The following NTM variants were observed in gnomAD, a reference collection of about 807,000 sequenced individuals.
NTM encodes neurotrimin, also known as IgLON family member 2.
In NTM, 13 loss-of-function variants were observed where a neutral mutation model predicts 42.1. The observed-to-expected ratio is 0.31, with a 90% CI of 0.20 to 0.49. The LOEUF (loss-of-function observed/expected upper bound fraction) is 0.49. Among genes scored for constraint, NTM ranks in the 20% least tolerant of loss-of-function variants. The pLI, the probability that NTM is intolerant of heterozygous loss-of-function variation, is 0.99. For synonymous variants in NTM, 187 were observed against 179.2 expected (o/e 1.04, Z -0.35); for missense variants, 373 against 452.8 (o/e 0.82, Z 1.60).
At chr11:132,252,430 C>T (rs1353702861) in intron 4 of NTM, among the ~76,000 whole-genome samples, 4 of 152,056 alleles carry the variant, frequency 2.6e-5, no homozygotes, top group Non-Finnish European at 5.9e-5. Flanking sequence ...TTCTTGAGAG[C>T]AGAGAGTCCC....
At chr11:131,821,847 A>G (rs1035974347) in intron 1 of NTM, among the ~76,000 whole-genome samples, 4 of 152,186 alleles carry the variant, frequency 2.6e-5, no homozygotes, top group Admixed American at 6.5e-5. Flanking sequence ...AAGGAAGCTG[A>G]TTTCACAGAA....
intron 4 of NTM, among the ~76,000 whole-genome samples, chr11:132,248,827 C>T (rs1460850755): frequency 2.0e-5 from 3 of 152,242 alleles, no homozygotes; most frequent in Non-Finnish European, 4.4e-5. Context: ...CTCAGCTGCA[C>T]TGCCAATCAC....
chr11:132,191,064 A>G lies in NTM; in HGVS notation c.401-20958A>G, dbSNP rs367635118. ...TGTAGTAAGAGTAGAATAGACTTGGATAGTATTTACCAGAGGGGAAAAAAC... is the reference window on the plus strand; with the variant it reads ...TGTAGTAAGAGTAGAATAGACTTGGGTAGTATTTACCAGAGGGGAAAAAAC... On this transcript the variant is annotated intron_variant, in intron 3 of 8. Coordinates refer to ENST00000683400, the MANE Select transcript of NTM (RefSeq NM_001352005.2). Among the ~76,000 whole-genome samples the G allele has an allele frequency of 3.9e-4, 59 of 152,326 alleles. 3 individuals are homozygous for G. Among genetic ancestry groups the G allele is most frequent in the African/African-American group, 1.4e-3 (57 of 41,578 alleles).
intron 1 of NTM, among the ~76,000 whole-genome samples, chr11:131,808,613 C>T (rs947349039): frequency 2.0e-5 from 3 of 152,074 alleles, no homozygotes; most frequent in Non-Finnish European, 4.4e-5. Flanking sequence ...GGTGTTGGTC[C>T]GGGGAAGTGT....
intron 2 of NTM, among the ~76,000 whole-genome samples, chr11:132,033,580 G>A (rs2076174964): frequency 1.3e-5 from 2 of 152,136 alleles, no homozygotes; most frequent in African/African-American, 4.8e-5. Context: ...GCAAATGAAA[G>A]CCCACCTGTT....
intron 1 of NTM, among the ~76,000 whole-genome samples, chr11:131,598,912 C>T (rs1386137589): frequency 7.5e-6 from 1 of 133,480 alleles, no homozygotes; most frequent in Admixed American, 8.0e-5. Flanking sequence ...TCCTTCCTTC[C>T]TTCCTTCCTT....
At chr11:131,864,464 T>C (rs1252538237) in intron 1 of NTM, among the ~76,000 whole-genome samples, 2 of 152,182 alleles carry the variant, frequency 1.3e-5, no homozygotes, top group Non-Finnish European at 2.9e-5. Flanking sequence ...AACCTGACTC[T>C]CAGGCTCACT....
intron 2 of NTM, among the ~76,000 whole-genome samples, chr11:132,140,798 G>A (rs77523486): frequency 5.9e-5 from 9 of 152,276 alleles, no homozygotes; most frequent in Non-Finnish European, 8.8e-5. Context: ...AGCCATTTGC[G>A]TCGTGATGTT....
intron 2 of NTM, among the ~76,000 whole-genome samples, chr11:131,980,861 C>G (rs1379918688): frequency 1.3e-5 from 2 of 152,174 alleles, no homozygotes; most frequent in Non-Finnish European, 2.9e-5. Context: ...TGAGAGTTAA[C>G]TTTGTGAGTA....
rs574836275 is a variant in NTM at position 131,523,815 on chromosome 11, G to T, written c.82+152927G>T. Among the ~76,000 whole-genome samples, 8 of 147,078 alleles carry T rather than the reference G, an allele frequency of 5.4e-5. No homozygotes were observed. The East Asian group carries it at 1.4e-3, about 26-fold the overall frequency. On this transcript the variant is annotated intron_variant, in intron 1 of 8. Transcript: ENST00000683400. ...AAAAAAAAAAAAAAAAGAATAAGAA[G>T]AAGAAAAGGAAGGAAGAAGAGACAT... is the stretch of plus-strand genomic sequence containing the variant.
intron 1 of NTM, among the ~76,000 whole-genome samples, chr11:131,632,501 C>T (rs2063752295): frequency 6.6e-6 from 1 of 152,098 alleles, no homozygotes; most frequent in Non-Finnish European, 1.5e-5. Flanking sequence ...CTCTCATGGA[C>T]AATGGTCTTA....
At chr11:132,315,434 G>GATTCTCCCTAAAGGCCACAGGATTAA (rs2095403527) in intron 7 of NTM, among the ~76,000 whole-genome samples, 1 of 152,202 alleles carries the variant, frequency 6.6e-6, no homozygotes, top group Non-Finnish European at 1.5e-5. Context: ...GATGAACGCA[G>GATTCTCCCTAAAGGCCACAGGATTAA]ATTCTCCCTA....
chr11:132,227,167 A>T (rs1331290271), intron 4 of NTM, among the ~76,000 whole-genome samples: 1 of 152,194 alleles, frequency 6.6e-6, no homozygotes, highest in African/African-American at 2.4e-5. Context: ...CAGGAAAAGG[A>T]TGATCCAGCA....
intron 2 of NTM, among the ~76,000 whole-genome samples, chr11:132,024,440 A>G (rs1409151160): frequency 1.3e-5 from 2 of 152,230 alleles, no homozygotes; most frequent in Admixed American, 6.5e-5. Flanking sequence ...ATCCTTCTGT[A>G]TACTTTTAGT....
At chr11:132,111,938 A>G (rs1021903672) in intron 2 of NTM, among the ~76,000 whole-genome samples, 1 of 152,276 alleles carries the variant, frequency 6.6e-6, no homozygotes, top group Non-Finnish European at 1.5e-5. Flanking sequence ...TGATTCTCGC[A>G]TAGGCGTTTG....
chr11:131,768,228 C>G (rs1439955290), intron 1 of NTM, among the ~76,000 whole-genome samples: 1 of 151,484 alleles, frequency 6.6e-6, no homozygotes, highest in Non-Finnish European at 1.5e-5. Flanking sequence ...AAGCAATTCT[C>G]CTGCCTCAGC....
chr11:131,809,127 T>C (rs1286026191), intron 1 of NTM, among the ~76,000 whole-genome samples: 1 of 152,220 alleles, frequency 6.6e-6, no homozygotes, highest in Non-Finnish European at 1.5e-5. Flanking sequence ...CAGAGAGAGA[T>C]ACTAATGGAT....
intron 2 of NTM, among the ~76,000 whole-genome samples, chr11:132,131,165 G>A (rs555655288): frequency 1.3e-5 from 2 of 152,314 alleles, no homozygotes; most frequent in East Asian, 3.9e-4. Flanking sequence ...ACTTCTAGTG[G>A]CATAGCTCAC....
chr11:131,514,265 A>T (rs186279439), intron 1 of NTM, among the ~76,000 whole-genome samples: 1 of 152,164 alleles, frequency 6.6e-6, no homozygotes. Flanking sequence ...CAAGTTCCTT[A>T]TCTGTAAATG....
Sources: gnomAD v4.1 joint callset for allele counts (sites outside exome capture counted in the v4.1 genomes callset) on GRCh38, gnomAD v4.1.1 for gene constraint, MANE v1.5 for transcripts, NCBI Gene and HGNC (gene_info 2026-07-23, HGNC 2026-07-21) for gene names.